Variants in IGF1R observed in about 807,000 individuals in gnomAD.
IGF1R encodes insulin like growth factor 1 receptor.
IGF1R carries 44 observed loss-of-function variants against 144.6 expected under a neutral mutation model. The observed-to-expected ratio is 0.30, with a 90% CI of 0.24 to 0.39. The LOEUF is 0.39. Ranked by LOEUF, IGF1R falls within the 10% of genes least tolerant of loss-of-function variation. IGF1R has a pLI of 1.00. For synonymous variants in IGF1R, 795 were observed against 722.8 expected, an observed-to-expected ratio of 1.10 and a Z score of -1.60; for missense variants, 1,355 against 1,833.7, an observed-to-expected ratio of 0.74 and a Z score of 4.77.
In IGF1R at chr15:98,679,944, A is replaced by G. The variant is rs1157958572; in HGVS notation, c.95-27618A>G. The stretch of plus-strand genomic sequence containing the variant: ...CTTAGCTTTTAACAAAAAAGTTTAA[A>G]AAGTTAAAAAAAAAAGTTAAAAATA... On this transcript the variant is annotated intron_variant, in intron 1 of 20. Coordinates refer to ENST00000650285, the MANE Select transcript of IGF1R (RefSeq NM_000875.5). 2.6e-5 allele frequency among the ~76,000 whole-genome samples: 4 copies of G among 152,162 alleles called. No homozygotes were observed. In the South Asian group the frequency reaches 6.2e-4, roughly 24 times the overall value.
At chr15:98,799,931 A>T (rs975291540) in intron 2 of IGF1R, among the ~76,000 whole-genome samples, 4 of 152,232 alleles carry the variant, frequency 2.6e-5, no homozygotes, top group African/African-American at 9.6e-5. Context: ...CTGCTCTGGT[A>T]TTAGGGCAAC....
intron 2 of IGF1R, among the ~76,000 whole-genome samples, chr15:98,814,012 T>C (rs73479745): frequency 0.017 from 2,645 of 152,346 alleles, 78 homozygotes; most frequent in African/African-American, 0.06. Context: ...TTTTTTACTT[T>C]CAATGCTGAA....
intron 20 of IGF1R, among the ~76,000 whole-genome samples, chr15:98,951,804 C>T (rs2016785380): frequency 1.3e-5 from 2 of 152,004 alleles, no homozygotes; most frequent in South Asian, 2.1e-4. Flanking sequence ...TCTAAAAGGC[C>T]GGCTAAAAAA....
intron 2 of IGF1R, among the ~76,000 whole-genome samples, chr15:98,790,586 C>T (rs1451841769): frequency 6.6e-6 from 1 of 152,114 alleles, no homozygotes; most frequent in African/African-American, 2.4e-5. Context: ...TCAGAGGGGC[C>T]ACTGCACCTG....
rs753894802 is a variant in IGF1R, at chr15:98,707,824, C to T, written c.357C>T (p.Ile119=). 7 of 1,614,226 alleles carry T rather than the reference C, an allele frequency of 4.3e-6. No homozygotes were observed. Among genetic ancestry groups the T allele is most frequent in the Non-Finnish European group, 5.9e-6 (7 of 1,180,036 alleles). ...WKLFYNYALV[I]FEMTNLKDIG... The stretch of plus-strand genomic sequence containing the variant: ...TCTTCTACAACTACGCCCTGGTCAT[C>T]TTCGAGATGACCAATCTCAAGGATA... Residue 119 remains isoleucine (I), a synonymous_variant, in exon 2 of 21, where the codon ATC becomes ATT. Transcript: ENST00000650285. This position sits in a 1 kb window ranked among gnomAD's most constrained non-coding sequence, Gnocchi z 6.7.
rs564714825 is a variant in IGF1R at position 98,878,254 on chromosome 15, G to A, written c.641-13071G>A. Reference sequence around the variant, plus strand: ...CCCAGTTTGTCCCTACGGGACACAGGCCTGCCTTGTTAGGAAATCAGCAAC... The same window carrying A: ...CCCAGTTTGTCCCTACGGGACACAGACCTGCCTTGTTAGGAAATCAGCAAC... On this transcript the variant is annotated intron_variant, in intron 2 of 20. Coordinates refer to ENST00000650285, the MANE Select transcript of IGF1R (RefSeq NM_000875.5). 2.6e-5 allele frequency among the ~76,000 whole-genome samples: 4 copies of A among 152,296 alleles called. No homozygotes were observed. In the South Asian group the frequency reaches 6.2e-4, roughly 24 times the overall value.
rs1044765812 is a variant in IGF1R at position 98,648,881 on chromosome 15, C to T, written c.-701C>T. The T allele has an allele frequency of 2.1e-5, 3 of 144,616 alleles. No homozygotes were observed. The highest frequency in any genetic ancestry group is 4.6e-5 in the Non-Finnish European group (3 of 65,136). The allele number at this position is 144,616 out of a possible 1,614,324, so 9.0% of individuals were successfully genotyped here. ...GGCGGGGGCCGGGCGGGGGCCGGCGCGGGGCGGGCGGCGGCGCAGAGCCGG... is the reference window on the plus strand; with the variant it reads ...GGCGGGGGCCGGGCGGGGGCCGGCGTGGGGCGGGCGGCGGCGCAGAGCCGG... On this transcript the variant is annotated 5_prime_UTR_variant, in exon 1 of 21. Transcript: ENST00000650285.
intron 2 of IGF1R, among the ~76,000 whole-genome samples, chr15:98,886,637 T>C (rs976762999): frequency 2.0e-5 from 3 of 152,194 alleles, no homozygotes; most frequent in African/African-American, 7.2e-5. Context: ...AGCGCCGTAA[T>C]TGGAAATTTG....
At chr15:98,823,391 T>A (rs1002603574) in intron 2 of IGF1R, among the ~76,000 whole-genome samples, 2 of 152,196 alleles carry the variant, frequency 1.3e-5, no homozygotes, top group African/African-American at 2.4e-5. Context: ...TTAAGCTGTT[T>A]CCCTCTTCCC....
intron 2 of IGF1R, among the ~76,000 whole-genome samples, chr15:98,725,157 G>T (rs116628929): frequency 3.0e-4 from 45 of 152,208 alleles, no homozygotes; most frequent in African/African-American, 1.0e-3. Flanking sequence ...TCTAATGAGG[G>T]GATTCGTGCA....
At chr15:98,793,822 C>T (rs1233105702) in intron 2 of IGF1R, among the ~76,000 whole-genome samples, 1 of 152,140 alleles carries the variant, frequency 6.6e-6, no homozygotes, top group African/African-American at 2.4e-5. Flanking sequence ...AAAACTCCAT[C>T]CTAAGAGGGA....
intron 2 of IGF1R, among the ~76,000 whole-genome samples, chr15:98,738,227 A>T (rs909315518): frequency 6.6e-6 from 1 of 152,176 alleles, no homozygotes; most frequent in Admixed American, 6.5e-5. Flanking sequence ...CAGGAGATAG[A>T]GTCTCACTAG....
At chr15:98,894,356 A>G (rs960857967) in intron 3 of IGF1R, among the ~76,000 whole-genome samples, 12 of 152,246 alleles carry the variant, frequency 7.9e-5, no homozygotes, top group Admixed American at 1.3e-4. Context: ...TGTCAACACA[A>G]AAATATGTAC....
chr15:98,761,810 T>C (rs1303275282), intron 2 of IGF1R, among the ~76,000 whole-genome samples: 2 of 152,226 alleles, frequency 1.3e-5, no homozygotes, highest in African/African-American at 4.8e-5. Flanking sequence ...TGATGGAATA[T>C]TGGTTGATGC....
chr15:98,751,248 T>TG (rs901924465), intron 2 of IGF1R, among the ~76,000 whole-genome samples: 2 of 152,216 alleles, frequency 1.3e-5, no homozygotes, highest in Non-Finnish European at 2.9e-5. Context: ...TCACCCAGGC[T>TG]GGGGTGCAGT....
intron 1 of IGF1R, among the ~76,000 whole-genome samples, chr15:98,667,254 A>G (rs575312315): frequency 6.6e-6 from 1 of 152,050 alleles, no homozygotes; most frequent in East Asian, 1.9e-4. Flanking sequence ...TCATTTTCTT[A>G]TTTTTCCAGA....
chr15:98,957,674 TG>T lies in IGF1R; in HGVS notation c.*235del. Reference sequence around the variant, plus strand: ...TCCCTGCCCAAACCCTTAACTGACATGGGCCTTTAAGAACCTTAATGACAAC... The same window carrying T: ...TCCCTGCCCAAACCCTTAACTGACATGGCCTTTAAGAACCTTAATGACAAC... On this transcript the variant is annotated 3_prime_UTR_variant, in exon 21 of 21. Coordinates refer to ENST00000650285, the MANE Select transcript of IGF1R (RefSeq NM_000875.5). 1.7e-6 allele frequency: 1 copy of T among 597,666 alleles called. No homozygotes were observed. Among genetic ancestry groups the T allele is most frequent in the Non-Finnish European group, 3.0e-6 (1 of 336,758 alleles). 37.0% of individuals were successfully genotyped at this position (597,666 alleles called of 1,614,324 possible).
chr15:98,926,275 C>T (rs189314184), intron 13 of IGF1R, among the ~76,000 whole-genome samples: 2 of 152,206 alleles, frequency 1.3e-5, no homozygotes, highest in African/African-American at 4.8e-5. Flanking sequence ...AAGTTAAGCT[C>T]ATGGAGAGTA....
At chr15:98,678,871 T>G (rs2141210080) in intron 1 of IGF1R, among the ~76,000 whole-genome samples, 1 of 151,726 alleles carries the variant, frequency 6.6e-6, no homozygotes, top group East Asian at 1.9e-4. Flanking sequence ...AAAAAAGGTC[T>G]TCCATGGGTG....
Sources: allele counts gnomAD v4.1 joint callset (sites outside exome capture counted in the v4.1 genomes callset), GRCh38; gene constraint gnomAD v4.1.1; non-coding constraint Gnocchi (gnomAD v3.1); transcripts MANE v1.5; gene names NCBI Gene and HGNC (gene_info 2026-07-23, HGNC 2026-07-21).